Variants in CNTN4 observed in about 807,000 individuals in gnomAD.
CNTN4 encodes contactin-4.
A neutral mutation model predicts 122.5 loss-of-function variants in CNTN4; 77 were observed. The observed-to-expected ratio is 0.63, with a 90% CI of 0.52 to 0.76. The LOEUF (loss-of-function observed/expected upper bound fraction) is 0.76. Among genes scored for constraint, CNTN4 ranks in the 30% least tolerant of loss-of-function variants. The pLI, the probability that CNTN4 is intolerant of heterozygous loss-of-function variation, is 0.00. For synonymous variants in CNTN4, 512 were observed against 447.0 expected (o/e 1.15, Z -1.83); for missense variants, 1,256 against 1,259.1 (o/e 1.00, Z 0.04).
At chr3:2,786,593 C>T (rs1250510465) in intron 6 of CNTN4, among the ~76,000 whole-genome samples, 10 of 152,210 alleles carry the variant, frequency 6.6e-5, no homozygotes, top group African/African-American at 2.4e-4. Flanking sequence ...ATTCTCACCC[C>T]TCACCACCAT....
chr3:2,224,601 T>C (rs1025835294), intron 2 of CNTN4, among the ~76,000 whole-genome samples: 2 of 152,212 alleles, frequency 1.3e-5, no homozygotes, highest in Non-Finnish European at 2.9e-5. Context: ...AGTGAATCTC[T>C]GAGTAGAGGT....
At chr3:2,489,486 C>T (rs1391352554) in intron 3 of CNTN4, among the ~76,000 whole-genome samples, 1 of 152,186 alleles carries the variant, frequency 6.6e-6, no homozygotes, top group Non-Finnish European at 1.5e-5. Flanking sequence ...AAACCAGAAG[C>T]CTCAGCCAAA....
intron 23 of CNTN4, 50 bp from the exon 24 acceptor site, chr3:3,053,757 G>T: frequency 6.3e-7 from 1 of 1,586,402 alleles, no homozygotes; most frequent in East Asian, 2.2e-5. Flanking sequence ...CTCCATATTT[G>T]GGACCTTTGT....
chr3:2,708,240 A>G (rs1022075556), intron 4 of CNTN4, among the ~76,000 whole-genome samples: 1 of 152,180 alleles, frequency 6.6e-6, no homozygotes, highest in Admixed American at 6.5e-5. Flanking sequence ...GAGCTTTACT[A>G]CTTACCTTGA....
At chr3:2,239,725 G>A (rs1044340292) in intron 2 of CNTN4, among the ~76,000 whole-genome samples, 1 of 152,106 alleles carries the variant, frequency 6.6e-6, no homozygotes, top group African/African-American at 2.4e-5. Context: ...GAAGTTACAG[G>A]GACCAAGGGA....
intron 4 of CNTN4, among the ~76,000 whole-genome samples, chr3:2,705,716 T>G (rs974282203): frequency 4.7e-4 from 46 of 97,498 alleles, no homozygotes; most frequent in African/African-American, 1.8e-3. Context: ...ATATAATATA[T>G]ACAACATATA....
rs190934993 is a variant in CNTN4, at chr3:2,291,716, T to A, written c.-144-47462T>A. Reference sequence around the variant, plus strand: ...TGTTGATTTGTTTTGAACTATAATATTTTATTTTATTTTATTTTATTTATT... The same window carrying A: ...TGTTGATTTGTTTTGAACTATAATAATTTATTTTATTTTATTTTATTTATT... On this transcript the variant is annotated intron_variant, in intron 2 of 24. Transcript: ENST00000418658. Among the ~76,000 whole-genome samples, 885 of 147,198 alleles carry A rather than the reference T, an allele frequency of 6.0e-3. 4 individuals carry two copies. Among genetic ancestry groups the A allele is most frequent in the Non-Finnish European group, 8.9e-3 (606 of 67,932 alleles).
chr3:2,368,508 A>G (rs1191913826), intron 3 of CNTN4, among the ~76,000 whole-genome samples: 1 of 152,050 alleles, frequency 6.6e-6, no homozygotes, highest in Non-Finnish European at 1.5e-5. Flanking sequence ...CTTGCTATTT[A>G]TTTTGACACC....
At chr3:2,604,740 C>T (rs955105712) in intron 4 of CNTN4, among the ~76,000 whole-genome samples, 1 of 152,078 alleles carries the variant, frequency 6.6e-6, no homozygotes, top group Admixed American at 6.6e-5. Context: ...CTTGATGTGT[C>T]TAGAGATAAG....
chr3:2,953,875 A>G (rs1460272433), intron 13 of CNTN4, among the ~76,000 whole-genome samples: 2 of 152,176 alleles, frequency 1.3e-5, no homozygotes, highest in African/African-American at 2.4e-5. Context: ...CATTCATTCA[A>G]ATATTATTTA....
chr3:2,865,233 T>C (rs2093711702), intron 7 of CNTN4, among the ~76,000 whole-genome samples: 1 of 152,166 alleles, frequency 6.6e-6, no homozygotes, highest in African/African-American at 2.4e-5. Flanking sequence ...AAATAATACA[T>C]GTGGAAATGT....
chr3:2,725,286 C>G (rs771137145), intron 4 of CNTN4, among the ~76,000 whole-genome samples: 2 of 152,132 alleles, frequency 1.3e-5, no homozygotes, highest in African/African-American at 2.4e-5. Context: ...TCACCTGCAT[C>G]TGTAACCCAG....
chr3:2,449,631 A>C (rs2048752017), intron 3 of CNTN4, among the ~76,000 whole-genome samples: 1 of 140,742 alleles, frequency 7.1e-6, no homozygotes, highest in Non-Finnish European at 1.5e-5. Context: ...AAAAAAAAAA[A>C]AAATGCAGAC....
chr3:2,651,262 G>C (rs9845926), intron 4 of CNTN4, among the ~76,000 whole-genome samples: 3,138 of 152,046 alleles, frequency 0.021, 104 homozygotes, highest in African/African-American at 0.071. Context: ...GGACAAGCAG[G>C]GTAGAAAAAA....
At chr3:2,371,777 A>C (rs2045642335) in intron 3 of CNTN4, among the ~76,000 whole-genome samples, 1 of 152,244 alleles carries the variant, frequency 6.6e-6, no homozygotes, top group Non-Finnish European at 1.5e-5. Flanking sequence ...GTCTGTTAAA[A>C]TATTCTCACT....
chr3:2,850,925 G>A (rs562710406), intron 7 of CNTN4, among the ~76,000 whole-genome samples: 2 of 152,238 alleles, frequency 1.3e-5, no homozygotes, highest in South Asian at 2.1e-4. Flanking sequence ...TACAGTTGCT[G>A]TAGCAACTAG....
At chr3:2,506,671 C>T (rs17015344) in intron 3 of CNTN4, among the ~76,000 whole-genome samples, 4,772 of 152,240 alleles carry the variant, frequency 0.031, 122 homozygotes, top group East Asian at 0.16. Flanking sequence ...GGAGTAAGAT[C>T]AGAATCCTGA....
chr3:2,696,289 G>C (rs1020679657), intron 4 of CNTN4, among the ~76,000 whole-genome samples: 1 of 152,210 alleles, frequency 6.6e-6, no homozygotes, highest in African/African-American at 2.4e-5. Context: ...GCTATGAGTT[G>C]AATGTGTGTT....
intron 4 of CNTN4, among the ~76,000 whole-genome samples, chr3:2,714,073 C>A (rs182076954): frequency 1.6e-4 from 25 of 152,206 alleles, no homozygotes; most frequent in Admixed American, 1.5e-3. Flanking sequence ...TAATAATAAT[C>A]ATAATAGCAC....
Sources: allele counts gnomAD v4.1 joint callset (sites outside exome capture counted in the v4.1 genomes callset), GRCh38; gene constraint gnomAD v4.1.1; transcripts MANE v1.5; gene names NCBI Gene and HGNC (gene_info 2026-07-23, HGNC 2026-07-21).